The following ZNF160 variants were observed in gnomAD, a reference collection of about 807,000 sequenced individuals.
The protein encoded by ZNF160 is KRAB zinc finger protein KR18.
Under a neutral mutation model 13.1 loss-of-function variants are expected in ZNF160, and 9 were observed. The ratio of observed to expected loss-of-function variants is 0.69; its 90% CI spans 0.41 to 1.20. The LOEUF is 1.20. Among genes scored for constraint, ZNF160 ranks in the 50% most tolerant of loss-of-function variants. ZNF160 has a pLI of 0.01. For synonymous variants in ZNF160, 293 were observed against 333.2 expected, an observed-to-expected ratio of 0.88 and a Z score of 1.31; for missense variants, 838 against 988.0, an observed-to-expected ratio of 0.85 and a Z score of 2.04.
At chr19:53,099,116 T>C (rs1469091361) in intron 1 of ZNF160, among the ~76,000 whole-genome samples, 1 of 124,524 alleles carries the variant, frequency 8.0e-6, no homozygotes, top group Non-Finnish European at 1.7e-5. Context: ...ACACTCAAAA[T>C]AATCCATGCA....
At chr19:53,102,693 C>T (rs2085489989) in intron 1 of ZNF160, among the ~76,000 whole-genome samples, 1 of 152,188 alleles carries the variant, frequency 6.6e-6, no homozygotes, top group Admixed American at 6.5e-5. Context: ...GGCTCTTTGT[C>T]TCTCTTTCTC....
Position 53,080,420 on chromosome 19 carries a change from G to A in ZNF160, c.16-5237C>T, listed in dbSNP as rs575399822. 6.6e-5 allele frequency among the ~76,000 whole-genome samples: 10 copies of A among 152,192 alleles called. No individual in the cohort carries two copies. In the South Asian group the frequency reaches 8.3e-4, roughly 13 times the overall value. ...GGCCCAGTCAGCAGTACTCTTAAAC[G>A]CCAATAATGTTCAAGCTGAGAAACA... On this transcript the variant is annotated intron_variant, in intron 3 of 5. Coordinates refer to ENST00000683776, the MANE Select transcript of ZNF160 (RefSeq NM_001322131.2).
Position 53,070,273 on chromosome 19 carries a change from T to C in ZNF160, c.272-11A>G, listed in dbSNP as rs776769889. ...ATTTAGGAGGGATATCTACAAGATA[T>C]AAAGAACCACATAATTTCCAATTAA... is the stretch of plus-strand genomic sequence containing the variant. On this transcript the variant is annotated splice_polypyrimidine_tract_variant and intron_variant, in intron 5 of 5. Coordinates refer to ENST00000683776, the MANE Select transcript of ZNF160 (RefSeq NM_001322131.2). The C allele has an allele frequency of 1.5e-5, 23 of 1,543,796 alleles. No individual in the cohort carries two copies. The African/African-American group carries it at 1.5e-4, about 10-fold the overall frequency.
rs192556842 is a variant in ZNF160, at chr19:53,081,609, A to C, written c.15+4653T>G. Reference sequence around the variant, plus strand: ...TGGCTATTACTAAAAAGTAAAAAAAAAACAACAAATATTGACAAGGCTTCA... The same window carrying C: ...TGGCTATTACTAAAAAGTAAAAAAACAACAACAAATATTGACAAGGCTTCA... On this transcript the variant is annotated intron_variant, in intron 3 of 5. Transcript: ENST00000683776. 2.1e-3 allele frequency among the ~76,000 whole-genome samples: 313 copies of C among 151,310 alleles called. 1 individual carries two copies. Among genetic ancestry groups the C allele is most frequent in the South Asian group, 0.016 (76 of 4,790 alleles).
intron 3 of ZNF160, 147 bp downstream of exon 3, chr19:53,086,115 C>T (rs574874528): frequency 1.7e-5 from 23 of 1,339,886 alleles, no homozygotes; most frequent in Admixed American, 7.6e-5. Flanking sequence ...GGAATCTAAA[C>T]GAGATGAGAG....
intron 1 of ZNF160, among the ~76,000 whole-genome samples, chr19:53,094,614 TAAAAA>T (rs975933468): frequency 6.6e-6 from 1 of 151,970 alleles, no homozygotes; most frequent in Non-Finnish European, 1.5e-5. Flanking sequence ...AATGTAAGAG[TAAAAA>T]AACCTTAGCC....
intron 4 of ZNF160, 34 bp from the exon 5 acceptor site, chr19:53,074,302 G>A: frequency 6.2e-7 from 1 of 1,609,952 alleles, no homozygotes; most frequent in Non-Finnish European, 8.5e-7. Context: ...CAATGTGCCG[G>A]GGCTTTTCCA....
At chr19:53,079,660 C>CAAAAA (rs33935376) in intron 3 of ZNF160, among the ~76,000 whole-genome samples, 2 of 124,522 alleles carry the variant, frequency 1.6e-5, no homozygotes, top group African/African-American at 5.8e-5. Context: ...ACAATAGCAG[C>CAAAAA]AAAAAAAAAA....
chr19:53,082,339 G>A (rs1045661260), intron 3 of ZNF160, among the ~76,000 whole-genome samples: 1 of 152,320 alleles, frequency 6.6e-6, no homozygotes, highest in Non-Finnish European at 1.5e-5. Flanking sequence ...GACATATTCT[G>A]TGGAAAAATG....
At chr19:53,086,092 G>C (rs1343459648) in intron 3 of ZNF160, 170 bp downstream of exon 3, 1 of 1,344,360 alleles carries the variant, frequency 7.4e-7, no homozygotes, top group African/African-American at 1.4e-5. Flanking sequence ...CATGTCACTG[G>C]ATCACGGGAG....
At chr19:53,077,564 G>C (rs1194454448) in intron 3 of ZNF160, among the ~76,000 whole-genome samples, 1 of 151,588 alleles carries the variant, frequency 6.6e-6, no homozygotes, top group Non-Finnish European at 1.5e-5. Flanking sequence ...CAGCTACTCA[G>C]GAGGCTGAGA....
chr19:53,084,122 A>C (rs1328071124), intron 3 of ZNF160, among the ~76,000 whole-genome samples: 2 of 152,128 alleles, frequency 1.3e-5, no homozygotes, highest in African/African-American at 4.8e-5. Context: ...CTACAACCCA[A>C]AGTCCTGCTA....
chr19:53,072,904 A>T (rs1411246402), intron 5 of ZNF160: 1 of 793,260 alleles, frequency 1.3e-6, no homozygotes, highest in Non-Finnish European at 1.5e-6. Flanking sequence ...TAAGAGAAAG[A>T]AGCATTTTTA....
At chr19:53,084,330 A>G (rs2084749603) in intron 3 of ZNF160, among the ~76,000 whole-genome samples, 1 of 152,196 alleles carries the variant, frequency 6.6e-6, no homozygotes, top group Non-Finnish European at 1.5e-5. Flanking sequence ...TTTCTGCTCC[A>G]AAAGCAATGC....
rs577970312 is a variant in ZNF160 at position 53,068,184 on chromosome 19, T to C, written c.2350A>G (p.Thr784Ala). The change falls in exon 6 of 6, where the codon ACT becomes GCT. Residue 784 changes from threonine to alanine, a missense_variant. This residue lies in a region of ZNF160 where 51 missense variants were observed against 46.9 expected (regional missense o/e 1.09). Transcript: ENST00000683776. The stretch of plus-strand genomic sequence containing the variant: ...TTACATTTGTAACGCTTTTCTCCAG[T>C]GTGGATTGCCATATGGGTAGTTAGA... ...SSLTTHMAIH[T>A]GEKRYKCNEC... 98 of 1,614,206 alleles carry C rather than the reference T, an allele frequency of 6.1e-5. 2 individuals are homozygous for C. In the South Asian group the frequency reaches 1.0e-3, roughly 17 times the overall value.
intron 4 of ZNF160, among the ~76,000 whole-genome samples, chr19:53,074,687 A>G (rs2084316678): frequency 1.3e-5 from 2 of 148,896 alleles, no homozygotes; most frequent in African/African-American, 2.5e-5. Context: ...AAAAAAAAAA[A>G]TCATCCACTG....
chr19:53,071,984 A>G (rs1223877106), intron 5 of ZNF160, among the ~76,000 whole-genome samples: 1 of 152,222 alleles, frequency 6.6e-6, no homozygotes, highest in Non-Finnish European at 1.5e-5. Flanking sequence ...ATGAACATTC[A>G]ATAAAACTAT....
intron 3 of ZNF160, among the ~76,000 whole-genome samples, chr19:53,083,448 C>T (rs1034415655): frequency 3.9e-5 from 6 of 152,144 alleles, no homozygotes; most frequent in South Asian, 4.1e-4. Flanking sequence ...TGTGAACAAT[C>T]CACTGGTAGA....
intron 1 of ZNF160, chr19:53,095,397 C>T (rs1181544243): frequency 6.6e-6 from 1 of 151,830 alleles, no homozygotes; most frequent in East Asian, 2.0e-4. Context: ...GGCACTCCAG[C>T]CCTGTCCAAC....
Sources: gnomAD v4.1 joint callset for allele counts (sites outside exome capture counted in the v4.1 genomes callset) on GRCh38, gnomAD v4.1.1 for gene constraint, gnomAD v4.1.1 regional missense constraint, MANE v1.5 for transcripts, NCBI Gene and HGNC (gene_info 2026-07-23, HGNC 2026-07-21) for gene names.